ESRP1: variants seen among roughly 807,000 people sequenced by gnomAD.
ESRP1 encodes the protein RNA-binding motif protein 35A.
In ESRP1, 33 loss-of-function variants were observed where a neutral mutation model predicts 81.7. The ratio of observed to expected loss-of-function variants is 0.40; its 90% CI spans 0.31 to 0.54. The LOEUF (loss-of-function observed/expected upper bound fraction) is 0.54. Ranked by LOEUF, ESRP1 falls within the 20% of genes least tolerant of loss-of-function variation. The pLI, the probability that ESRP1 is intolerant of heterozygous loss-of-function variation, is 0.41. For synonymous variants in ESRP1, 320 were observed against 303.3 expected, an observed-to-expected ratio of 1.06 and a Z score of -0.57; for missense variants, 672 against 833.1, an observed-to-expected ratio of 0.81 and a Z score of 2.38.
chr8:94,698,897 A>G (rs1809705674), intron 15 of ESRP1, among the ~76,000 whole-genome samples: 1 of 152,042 alleles, frequency 6.6e-6, no homozygotes. Flanking sequence ...CAGATCTGTC[A>G]TTTTCGGTGA....
intron 6 of ESRP1, among the ~76,000 whole-genome samples, chr8:94,662,854 C>T (rs1201360076): frequency 2.0e-5 from 3 of 152,126 alleles, no homozygotes; most frequent in Non-Finnish European, 2.9e-5. Context: ...GTGATCTGCC[C>T]GCCTCGCCTC....
At chr8:94,684,726 T>C (rs1249231867) in intron 13 of ESRP1, among the ~76,000 whole-genome samples, 1 of 152,180 alleles carries the variant, frequency 6.6e-6, no homozygotes, top group Non-Finnish European at 1.5e-5. Context: ...TCTCTAACCA[T>C]ACATATGATA....
intron 15 of ESRP1, among the ~76,000 whole-genome samples, chr8:94,701,715 G>T (rs1032997835): frequency 2.0e-5 from 3 of 152,090 alleles, no homozygotes. Context: ...CAAAGGGCTG[G>T]GATACCGGCA....
At chr8:94,687,984 A>G (rs544945868) in intron 13 of ESRP1, among the ~76,000 whole-genome samples, 2 of 152,152 alleles carry the variant, frequency 1.3e-5, no homozygotes, top group South Asian at 2.1e-4. Flanking sequence ...ATTTACTACT[A>G]TGTTTTGTAA....
At chr8:94,655,060 G>GTTTTTTTTTT (rs139506660) in intron 4 of ESRP1, among the ~76,000 whole-genome samples, 1 of 146,626 alleles carries the variant, frequency 6.8e-6, no homozygotes, top group Admixed American at 6.9e-5. Flanking sequence ...GGTTTTTTGG[G>GTTTTTTTTTT]TTTTTTGTGT....
Position 94,641,307 on chromosome 8 carries a change from C to T in ESRP1, c.-12C>T, listed in dbSNP as rs779168389. On this transcript the variant is annotated 5_prime_UTR_variant, in exon 1 of 16. Coordinates refer to ENST00000433389, the MANE Select transcript of ESRP1 (RefSeq NM_017697.4). ...CTCCCGACCCCCCCTCTCCCCCTCC[C>T]CACCTATCGTCATGACGGCCTCTCC... is the stretch of plus-strand genomic sequence containing the variant. 2.5e-6 allele frequency: 4 copies of T among 1,612,000 alleles called. No individual in the cohort carries two copies. The South Asian group carries it at 4.4e-5, about 18-fold the overall frequency.
At chr8:94,694,419 C>T (rs1264212409) in intron 14 of ESRP1, among the ~76,000 whole-genome samples, 1 of 152,076 alleles carries the variant, frequency 6.6e-6, no homozygotes, top group African/African-American at 2.4e-5. Context: ...CCAGCCTGAC[C>T]AACATGAAAC....
chr8:94,683,463 A>C (rs1005457742), intron 13 of ESRP1, among the ~76,000 whole-genome samples: 1 of 152,198 alleles, frequency 6.6e-6, no homozygotes, highest in Non-Finnish European at 1.5e-5. Flanking sequence ...GTTGTAACAA[A>C]TAATACATGG....
chr8:94,645,356 A>G (rs759618558), intron 3 of ESRP1, among the ~76,000 whole-genome samples: 14 of 152,302 alleles, frequency 9.2e-5, no homozygotes, highest in South Asian at 8.3e-4. Flanking sequence ...TCAAAATTTT[A>G]AGAAAAATCT....
chr8:94,651,191 C>T (rs529171743), intron 4 of ESRP1, among the ~76,000 whole-genome samples: 5 of 148,856 alleles, frequency 3.4e-5, no homozygotes, highest in African/African-American at 1.2e-4. Flanking sequence ...GAATAATATG[C>T]AGTATTTCAA....
chr8:94,704,777 A>C (rs1339830244), intron 15 of ESRP1, among the ~76,000 whole-genome samples: 26 of 150,166 alleles, frequency 1.7e-4, no homozygotes, highest in Non-Finnish European at 3.0e-4. Context: ...AAAAAAAAAA[A>C]AAAAAAAAAA....
chr8:94,705,274 TCTC>T (rs1168772858), intron 15 of ESRP1, among the ~76,000 whole-genome samples: 7 of 148,128 alleles, frequency 4.7e-5, no homozygotes, highest in Non-Finnish European at 1.0e-4. Flanking sequence ...TTAAAGCAAT[TCTC>T]CTGCCTCAGC....
intron 12 of ESRP1, among the ~76,000 whole-genome samples, chr8:94,677,084 A>G (rs12543404): frequency 0.46 from 70,641 of 151,944 alleles, 19,491 homozygotes; most frequent in South Asian, 0.68. Flanking sequence ...TCTTTTGCAC[A>G]GTTTTTGATG....
intron 2 of ESRP1, among the ~76,000 whole-genome samples, chr8:94,642,495 T>C (rs1365201): frequency 0.86 from 130,721 of 152,222 alleles, 56,223 homozygotes; most frequent in African/African-American, 0.91. Context: ...GACGTGCAGG[T>C]GGGCCCGGCG....
chr8:94,689,794 T>C (rs1263654183), intron 13 of ESRP1, among the ~76,000 whole-genome samples: 6 of 144,082 alleles, frequency 4.2e-5, no homozygotes, highest in Non-Finnish European at 9.0e-5. Flanking sequence ...ATCACAGGCA[T>C]GTGCTATGAT....
intron 15 of ESRP1, among the ~76,000 whole-genome samples, chr8:94,700,868 G>A (rs1201082398): frequency 6.6e-6 from 1 of 151,892 alleles, no homozygotes; most frequent in African/African-American, 2.4e-5. Context: ...GGCAGAGCTT[G>A]TAGTGAGCCG....
intron 2 of ESRP1, among the ~76,000 whole-genome samples, chr8:94,642,957 A>C (rs1817686124): frequency 1.3e-5 from 2 of 152,188 alleles, no homozygotes; most frequent in African/African-American, 4.8e-5. Flanking sequence ...GGCACATCCA[A>C]ACATATAAAA....
chr8:94,676,276 C>T (rs955430782), intron 12 of ESRP1, among the ~76,000 whole-genome samples: 6 of 146,344 alleles, frequency 4.1e-5, no homozygotes, highest in Non-Finnish European at 7.4e-5. Context: ...TGCTTGATCA[C>T]GGGAGGCGGA....
chr8:94,694,309 T>C (rs1809513090), intron 14 of ESRP1, among the ~76,000 whole-genome samples: 1 of 152,182 alleles, frequency 6.6e-6, no homozygotes, highest in Non-Finnish European at 1.5e-5. Context: ...AATTGCTCTT[T>C]ATTATTAAGA....
Sources: gnomAD v4.1 joint callset for allele counts (sites outside exome capture counted in the v4.1 genomes callset) on GRCh38, gnomAD v4.1.1 for gene constraint, MANE v1.5 for transcripts, NCBI Gene and HGNC (gene_info 2026-07-23, HGNC 2026-07-21) for gene names.